The following USH2A variants were observed in gnomAD, a reference collection of about 807,000 sequenced individuals.
USH2A encodes Usher syndrome 2A (autosomal recessive, mild).
Under a neutral mutation model 538.9 loss-of-function variants are expected in USH2A, and 443 were observed. That is an observed-to-expected ratio of 0.82 (90% confidence interval 0.76 to 0.89). The LOEUF (loss-of-function observed/expected upper bound fraction) is 0.89. Ranked by LOEUF, USH2A falls within the 40% of genes least tolerant of loss-of-function variation. The pLI is 0.00. For synonymous variants in USH2A, 2,413 were observed against 2,273.5 expected (o/e 1.06, Z -1.75); for missense variants, 6,633 against 6,324.8 (o/e 1.05, Z -1.65).
At chr1:215,914,395 G>A (rs1458838347) in intron 38 of USH2A, among the ~76,000 whole-genome samples, 1 of 151,840 alleles carries the variant, frequency 6.6e-6, no homozygotes, top group Non-Finnish European at 1.5e-5. Flanking sequence ...TTGCATTTTT[G>A]TAAAACGAGA....
At chr1:216,128,725 C>A (rs1434424341) in intron 21 of USH2A, among the ~76,000 whole-genome samples, 1 of 152,048 alleles carries the variant, frequency 6.6e-6, no homozygotes, top group Non-Finnish European at 1.5e-5. Flanking sequence ...TCACCCCAAG[C>A]AAGCATCATT....
rs528817360 is a variant in USH2A, at chr1:216,241,538, GT to G, written c.2809+5046del. On this transcript the variant is annotated intron_variant, in intron 13 of 71. Transcript: ENST00000307340. Reference sequence around the variant, plus strand: ...TTATCTGGTATATATTTGTCTTTTTGTTTTTTTTTTTTTGAGACGGAGTTTG... The same window carrying G: ...TTATCTGGTATATATTTGTCTTTTTGTTTTTTTTTTTTGAGACGGAGTTTG... Among the ~76,000 whole-genome samples, 61 of 142,548 alleles carry G rather than the reference GT, an allele frequency of 4.3e-4. 1 individual carries two copies. The highest frequency in any genetic ancestry group is 3.6e-3 in the Middle Eastern group (1 of 280). The allele number at this position is 142,548 out of a possible 152,430, so 93.5% of individuals were successfully genotyped here.
chr1:215,628,907 G>T lies in USH2A; in HGVS notation c.15426C>A (p.His5142Gln). The T allele has an allele frequency of 6.2e-7, 1 of 1,614,178 alleles. No individual in the cohort carries two copies. The highest frequency in any genetic ancestry group is 1.1e-5 in the South Asian group (1 of 91,076). ...TSLTYSQGSLHRSVSQLMDIQ... is the reference protein window; with the variant it reads ...TSLTYSQGSLQRSVSQLMDIQ... The stretch of plus-strand genomic sequence containing the variant: ...TGTCCATGAGCTGGCTGACGCTGCG[G>T]TGAAGAGAACCCTGGGAGTAGGTTA... Residue 5142 changes from histidine to glutamine, a missense_variant, in exon 71 of 72, where the codon CAC (histidine) becomes CAA (glutamine). His to Gln is a conservative substitution (Grantham distance 24). Transcript: ENST00000307340.
chr1:216,132,540 T>G (rs2033397477), intron 21 of USH2A, among the ~76,000 whole-genome samples: 1 of 152,106 alleles, frequency 6.6e-6, no homozygotes, highest in Non-Finnish European at 1.5e-5. Context: ...TTTCAACTAG[T>G]GACCCCCACT....
intron 44 of USH2A, among the ~76,000 whole-genome samples, chr1:215,864,962 T>A (rs1231719951): frequency 6.6e-6 from 1 of 152,172 alleles, no homozygotes; most frequent in Non-Finnish European, 1.5e-5. Context: ...ATATATACAT[T>A]GGAAGGTGAT....
Position 215,838,036 on chromosome 1 carries a change from G to C in USH2A, c.9326C>G (p.Thr3109Ser), listed in dbSNP as rs1663579183. 1.2e-6 allele frequency: 2 copies of C among 1,613,918 alleles called. No homozygotes were observed. The highest frequency in any genetic ancestry group is 2.2e-5 in the South Asian group (2 of 91,092). ...TGTGGGTGTTGGTATATCACTTGGA[G>C]TGTCTTCCACAGTGGTAATTTGGGT... ...NGTQITTVED[T>S]PSDIPTPTIR... Residue 3109 changes from threonine (T) to serine (S), a missense_variant, in exon 47 of 72, where the codon ACT (threonine) becomes AGT (serine). Physicochemically the swap from Thr to Ser is moderately conservative, Grantham distance 58 (BLOSUM62 1). Transcript: ENST00000307340.
Position 216,070,201 on chromosome 1 carries a change from T to G in USH2A, c.5949A>C (p.Val1983=). Reference sequence around the variant, plus strand: ...AGGCTTTCAGAATGTACTTCTCAATTACACCTCTGACAACAGGTTCATCCC... The same window carrying G: ...AGGCTTTCAGAATGTACTTCTCAATGACACCTCTGACAACAGGTTCATCCC... ...VTWDEPVVRG[V]IEKYILKAYS... is the part of the protein sequence containing the mutation. The change falls in exon 30 of 72, where the codon GTA becomes GTC. Residue 1983 remains valine (V), a synonymous_variant. Transcript: ENST00000307340. 6.2e-7 allele frequency: 1 copy of G among 1,613,988 alleles called. No homozygotes were observed. The highest frequency in any genetic ancestry group is 1.3e-5 in the African/African-American group (1 of 74,998).
intron 13 of USH2A, among the ~76,000 whole-genome samples, chr1:216,241,424 T>C (rs947022500): frequency 2.6e-5 from 4 of 152,190 alleles, no homozygotes; most frequent in Admixed American, 6.5e-5. Context: ...TGTTAAACAA[T>C]GGCAATACTG....
rs56007674 is a variant in USH2A at position 215,788,950 on chromosome 1, A to AC, written c.10182+1108_10182+1109insG. Among the ~76,000 whole-genome samples the AC allele has an allele frequency of 9.0e-3, 1,342 of 149,804 alleles. 20 individuals carry two copies. Among genetic ancestry groups the AC allele is most frequent in the African/African-American group, 0.03 (1,210 of 40,802 alleles). On this transcript the variant is annotated intron_variant, in intron 51 of 71. Transcript: ENST00000307340. ...ACAAAACAAAACAAAACAAAACAAA[A>AC]AAACAGGGGAATCAACACAGGAAAG...
chr1:215,897,807 AG>A (rs1344316298), intron 40 of USH2A, among the ~76,000 whole-genome samples: 5 of 152,156 alleles, frequency 3.3e-5, no homozygotes, highest in African/African-American at 1.2e-4. Context: ...AAACAAAGAA[AG>A]AAGAAAGAAA....
intron 39 of USH2A, 104 bp from the exon 40 acceptor site, chr1:215,900,321 T>C: frequency 2.5e-6 from 3 of 1,211,680 alleles, no homozygotes; most frequent in Non-Finnish European, 3.6e-6. Context: ...TCAACATACA[T>C]TTAAGTATTG....
At chr1:215,835,483 A>C (rs1663450961) in intron 47 of USH2A, among the ~76,000 whole-genome samples, 1 of 152,054 alleles carries the variant, frequency 6.6e-6, no homozygotes, top group Non-Finnish European at 1.5e-5. Context: ...GTCTCATCTC[A>C]GCTCCCCTCT....
intron 58 of USH2A, among the ~76,000 whole-genome samples, chr1:215,752,174 T>A (rs1660641853): frequency 1.3e-5 from 2 of 152,178 alleles, no homozygotes; most frequent in African/African-American, 2.4e-5. Context: ...ATCAAATGTT[T>A]GAGTAATTTT....
chr1:215,961,447 T>C (rs891125535), intron 37 of USH2A, among the ~76,000 whole-genome samples: 3 of 151,720 alleles, frequency 2.0e-5, no homozygotes, highest in Admixed American at 1.3e-4. Context: ...AGTATAAAGA[T>C]ATTAATTCTA....
chr1:216,232,709 C>A (rs1208264243), intron 13 of USH2A, among the ~76,000 whole-genome samples: 1 of 152,124 alleles, frequency 6.6e-6, no homozygotes. Flanking sequence ...ATGGATGTTG[C>A]CTCCTAACAA....
chr1:215,741,456 G>A lies in USH2A; in HGVS notation c.11630C>T (p.Ala3877Val), dbSNP rs771925133. 1 of 1,613,858 alleles carries A rather than the reference G, an allele frequency of 6.2e-7. No homozygotes were observed. Among genetic ancestry groups the A allele is most frequent in the Non-Finnish European group, 8.5e-7 (1 of 1,179,984 alleles). The part of the protein sequence containing the change: ...PMDLNSPVLK[A>V]LGSACIEIKW... Reference sequence around the variant, plus strand: ...AATCTCTATGCAAGCTGACCCCAGTGCCTTAAGAACAGGAGAATTAAGATC... The same window carrying A: ...AATCTCTATGCAAGCTGACCCCAGTACCTTAAGAACAGGAGAATTAAGATC... Residue 3877 changes from alanine (A) to valine (V), a missense_variant, in exon 60 of 72, where the codon GCA becomes GTA. Ala to Val is a moderately conservative substitution (Grantham distance 64). Coordinates refer to ENST00000307340, the MANE Select transcript of USH2A (RefSeq NM_206933.4).
chr1:216,404,618 CTTTTTTTTTT>C (rs375562284), intron 3 of USH2A, among the ~76,000 whole-genome samples: 1 of 110,048 alleles, frequency 9.1e-6, no homozygotes, highest in Non-Finnish European at 1.7e-5. Context: ...GAAACATAGG[CTTTTTTTTTT>C]TTTTTTTTTT....
chr1:215,864,306 A>G (rs922036080), intron 44 of USH2A, among the ~76,000 whole-genome samples: 1 of 152,138 alleles, frequency 6.6e-6, no homozygotes, highest in Non-Finnish European at 1.5e-5. Context: ...TTTCTATCTC[A>G]TTGTGCTTTT....
intron 50 of USH2A, among the ~76,000 whole-genome samples, chr1:215,797,596 C>A (rs1458137900): frequency 6.6e-6 from 1 of 152,014 alleles, no homozygotes; most frequent in Admixed American, 6.6e-5. Flanking sequence ...TATGCTAAAT[C>A]TATTCTGCTT....
Sources: gnomAD v4.1 joint callset for allele counts (sites outside exome capture counted in the v4.1 genomes callset) on GRCh38, gnomAD v4.1.1 for gene constraint, MANE v1.5 for transcripts, NCBI Gene and HGNC (gene_info 2026-07-23, HGNC 2026-07-21) for gene names.